PRKAR1A: variants seen among roughly 807,000 people sequenced by gnomAD.
The protein encoded by PRKAR1A is protein kinase cAMP-dependent type I regulatory subunit alpha, also known as cAMP-dependent protein kinase type I-alpha regulatory subunit.
Under a neutral mutation model 52.0 loss-of-function variants are expected in PRKAR1A, and 3 were observed. The observed-to-expected ratio is 0.06, with a 90% CI of 0.03 to 0.15. The LOEUF (loss-of-function observed/expected upper bound fraction) is 0.15. Ranked by LOEUF, PRKAR1A falls within the 10% of genes least tolerant of loss-of-function variation. PRKAR1A has a pLI of 1.00. For synonymous variants in PRKAR1A, 188 were observed against 168.4 expected, an observed-to-expected ratio of 1.12 and a Z score of -0.90; for missense variants, 240 against 477.4, an observed-to-expected ratio of 0.50 and a Z score of 4.63.
downstream of PRKAR1A, chr17:68,537,621 G>C: frequency 6.2e-7 from 1 of 1,613,802 alleles, no homozygotes; most frequent in Non-Finnish European, 8.5e-7. This position sits in a 1 kb window ranked among gnomAD's most constrained non-coding sequence, Gnocchi z 4.2. Flanking sequence ...GGGCAAGGAG[G>C]TGGGGTTCAG....
At chr17:68,538,365 G>A (rs909968740), downstream of PRKAR1A, among the ~76,000 whole-genome samples, 1 of 152,226 alleles carries the variant, frequency 6.6e-6, no homozygotes, top group East Asian at 1.9e-4. Flanking sequence ...CCAGAGGGAA[G>A]CATGTTTAAA....
rs771268883 is a variant in PRKAR1A, at chr17:68,515,588, T to G, written c.177+12T>G. 5 of 1,609,472 alleles carry G rather than the reference T, an allele frequency of 3.1e-6. No homozygotes were observed. Among genetic ancestry groups the G allele is most frequent in the South Asian group, 1.1e-5 (1 of 90,820 alleles). On this transcript the variant is annotated intron_variant, in intron 2 of 10. Coordinates refer to ENST00000589228, the MANE Select transcript of PRKAR1A (RefSeq NM_002734.5). ...AGAGGTTGGAGAAGGTAAAAATAAA[T>G]GTGGGGAGATGATGAGGTGATTGTG...
At chr17:68,464,697 AAC>A in the PRKAR1A span, among the ~76,000 whole-genome samples, 514 of 31,262 alleles carry the variant, frequency 0.016, 6 homozygotes, top group African/African-American at 0.061. Flanking sequence ...CAAAAAAAAA[AAC>A]AAAAAAAACA....
At chr17:68,513,806 A>G (rs2085346105) in intron 1 of PRKAR1A, among the ~76,000 whole-genome samples, 1 of 152,214 alleles carries the variant, frequency 6.6e-6, no homozygotes, top group South Asian at 2.1e-4. Context: ...TTTCAAACAA[A>G]AACACAGTTT....
At chr17:68,451,971 G>C in the PRKAR1A span, among the ~76,000 whole-genome samples, 4 of 152,126 alleles carry the variant, frequency 2.6e-5, no homozygotes, top group Non-Finnish European at 4.4e-5. Context: ...CACAAAAATG[G>C]TGTAATAACA....
the PRKAR1A span, chr17:68,428,847 ACAC>A: frequency 1.4e-5 from 22 of 1,613,912 alleles, no homozygotes; most frequent in Non-Finnish European, 1.8e-5. Flanking sequence ...TTTGATTAAG[ACAC>A]ACTCTCCTCC....
At chr17:68,541,328 C>T (rs1367434071) in intron 11 of PRKAR1A, 1 of 285,394 alleles carries the variant, frequency 3.5e-6, no homozygotes, top group Non-Finnish European at 6.9e-6. Flanking sequence ...CCTCCATGGG[C>T]TGTTCCTGCC....
At chr17:68,476,525 G>A in the PRKAR1A span, among the ~76,000 whole-genome samples, 1 of 151,902 alleles carries the variant, frequency 6.6e-6, no homozygotes, top group Admixed American at 6.6e-5. Context: ...CTTTCCTCCC[G>A]GGGCAACCAC....
the PRKAR1A span, among the ~76,000 whole-genome samples, chr17:68,458,614 A>G: frequency 2.6e-5 from 4 of 152,358 alleles, no homozygotes; most frequent in East Asian, 5.8e-4. Context: ...TCTTGAAGAT[A>G]TAGCACAATT....
chr17:68,418,214 T>G, the PRKAR1A span, among the ~76,000 whole-genome samples: 1 of 152,210 alleles, frequency 6.6e-6, no homozygotes, highest in Non-Finnish European at 1.5e-5. Context: ...AGAGTGTTGA[T>G]TTTTGTTTTC....
At chr17:68,536,667 T>A, downstream of PRKAR1A, 1 of 452,852 alleles carries the variant, frequency 2.2e-6, no homozygotes, top group South Asian at 1.6e-5. Flanking sequence ...GCTCTTTTCC[T>A]GCCTTACTCC....
chr17:68,515,235 A>G (rs945796003), intron 1 of PRKAR1A, 159 bp from the exon 2 acceptor site: 8 of 707,264 alleles, frequency 1.1e-5, no homozygotes, highest in African/African-American at 3.5e-5. Context: ...AATTCTGTAC[A>G]TATTTTATTC....
intron 11 of PRKAR1A, chr17:68,551,008 C>T: frequency 8.6e-7 from 1 of 1,168,370 alleles, no homozygotes; most frequent in East Asian, 3.2e-5. Context: ...TTGTATTCCA[C>T]TGGAAGAAGC....
rs571184827 is a variant in PRKAR1A, at chr17:68,521,199, C to T, written c.178-1557C>T. The stretch of plus-strand genomic sequence containing the variant: ...TTGTGGTCTGCCCACCTTGGCCTCC[C>T]GAAGTGTTGGGATTACAGGTGTGAG... On this transcript the variant is annotated intron_variant, in intron 2 of 10. Coordinates refer to ENST00000589228, the MANE Select transcript of PRKAR1A (RefSeq NM_002734.5). 4.6e-5 allele frequency among the ~76,000 whole-genome samples: 7 copies of T among 152,278 alleles called. No individual in the cohort carries two copies. In the South Asian group the frequency reaches 1.0e-3, roughly 23 times the overall value.
Position 68,517,370 on chromosome 17 carries a change from C to T in PRKAR1A, c.177+1794C>T, listed in dbSNP as rs9897854. Among the ~76,000 whole-genome samples the T allele has an allele frequency of 7.7e-3, 1,174 of 152,144 alleles. 8 individuals carry two copies. The highest frequency in any genetic ancestry group is 0.025 in the African/African-American group (1,034 of 41,500). ...TGTCATGCTGCTAATAAAGACATAC[C>T]GAGGCTGGGTAATTCATAAAGGAAA... is the stretch of plus-strand genomic sequence containing the variant. On this transcript the variant is annotated intron_variant, in intron 2 of 10. Transcript: ENST00000589228.
intron 11 of PRKAR1A, among the ~76,000 whole-genome samples, chr17:68,549,331 C>G (rs2086724388): frequency 1.3e-5 from 2 of 152,082 alleles, no homozygotes; most frequent in South Asian, 4.1e-4. Context: ...CCTGTCTCTA[C>G]TAAATATACA....
chr17:68,450,982 G>C, the PRKAR1A span: 11 of 1,506,048 alleles, frequency 7.3e-6, no homozygotes, highest in East Asian at 1.9e-4. Context: ...GCCCGGCGCA[G>C]GCCAGGTTCC....
At chr17:68,541,029 C>T (rs1439671118) in intron 11 of PRKAR1A, 5 of 1,542,180 alleles carry the variant, frequency 3.2e-6, no homozygotes, top group Non-Finnish European at 1.7e-6. Context: ...CCCCACACCT[C>T]CCCCTGCCCC....
At chr17:68,475,716 C>T in the PRKAR1A span, among the ~76,000 whole-genome samples, 22 of 152,220 alleles carry the variant, frequency 1.4e-4, no homozygotes, top group Non-Finnish European at 1.8e-4. Flanking sequence ...CTGCCCCACG[C>T]GGGGCAGTGT....
Sources: gnomAD v4.1 joint callset for allele counts (sites outside exome capture counted in the v4.1 genomes callset) on GRCh38, gnomAD v4.1.1 for gene constraint, Gnocchi (gnomAD v3.1) non-coding constraint, MANE v1.5 for transcripts, NCBI Gene and HGNC (gene_info 2026-07-23, HGNC 2026-07-21) for gene names.